The following GDF10 variants were observed in gnomAD, a reference collection of about 807,000 sequenced individuals.
The protein encoded by GDF10 is growth/differentiation factor 10.
A neutral mutation model predicts 32.1 loss-of-function variants in GDF10; 23 were observed. The ratio of observed to expected loss-of-function variants is 0.72; its 90% confidence interval spans 0.52 to 1.02. GDF10 has a LOEUF of 1.02. GDF10 is among the 50% of genes least tolerant of loss of function. The pLI is 0.00. For synonymous variants in GDF10, 328 were observed against 303.1 expected (o/e 1.08, Z -0.85); for missense variants, 764 against 673.9 (o/e 1.13, Z -1.48).
rs1555207676 is a variant in GDF10, at chr10:47,310,610, G to A, written c.1134G>A (p.Arg378=). ...GGGATGAGCCGAGGGTGTGCTCCCG[G>A]AGGTACCTGAAGGTGGACTTCGCAG... ...KQWDEPRVCS[R]RYLKVDFADI... Residue 378 remains arginine, a synonymous_variant, in exon 2 of 3, where the codon CGG becomes CGA. Transcript: ENST00000580279. 2 of 1,614,042 alleles carry A rather than the reference G, an allele frequency of 1.2e-6. No individual in the cohort carries two copies. The highest frequency in any genetic ancestry group is 2.7e-5 in the African/African-American group (2 of 74,942).
In GDF10 at chr10:47,300,785, C is replaced by T. The variant is rs782792166; in HGVS notation, c.134C>T (p.Ala45Val). 6 of 1,564,432 alleles carry T rather than the reference C, an allele frequency of 3.8e-6. No individual in the cohort carries two copies. Among genetic ancestry groups the T allele is most frequent in the Middle Eastern group, 1.7e-4 (1 of 5,854 alleles). The change falls in exon 1 of 3, where the codon GCG (alanine) becomes GTG (valine). Residue 45 changes from alanine to valine, a missense_variant. Physicochemically the swap from Ala to Val is moderately conservative, Grantham distance 64. Transcript: ENST00000580279. ...HRAPAWSALP[A>V]AADGLQGDRD... ...GCCCCCGCCTGGTCCGCACTGCCCG[C>T]GGCCGCCGACGGCCTGCAGGGGGAC... is the stretch of plus-strand genomic sequence containing the variant.
rs782431049 is a variant in GDF10 at position 47,300,665 on chromosome 10, C to T, written c.14C>T (p.Pro5Leu). MAHV[P>L]ARTSPGPGPQ... ...CCTCACCACGCCATGGCTCATGTCCCCGCTCGGACCAGCCCGGGACCCGGG... is the reference window on the plus strand; with the variant it reads ...CCTCACCACGCCATGGCTCATGTCCTCGCTCGGACCAGCCCGGGACCCGGG... The change falls in exon 1 of 3, where the codon CCC (proline) becomes CTC (leucine). Residue 5 changes from proline (P) to leucine (L), a missense_variant. By Grantham distance (98) the Pro-to-Leu change is moderately conservative. Coordinates refer to ENST00000580279, the MANE Select transcript of GDF10 (RefSeq NM_004962.5). The T allele has an allele frequency of 6.3e-7, 1 of 1,599,826 alleles. No homozygotes were observed. The highest frequency in any genetic ancestry group is 8.5e-7 in the Non-Finnish European group (1 of 1,175,356).
chr10:47,302,827 A>G (rs2061009323), intron 1 of GDF10, among the ~76,000 whole-genome samples: 1 of 152,180 alleles, frequency 6.6e-6, no homozygotes, highest in South Asian at 2.1e-4. Flanking sequence ...CTGGGAAATC[A>G]GGATTCTGGT....
chr10:47,303,533 C>T (rs2061011873), intron 1 of GDF10, among the ~76,000 whole-genome samples: 1 of 152,212 alleles, frequency 6.6e-6, no homozygotes, highest in East Asian at 1.9e-4. Context: ...TGAGATATGT[C>T]AAGTGCTTAC....
Position 47,313,513 on chromosome 10 carries a change from A to G in GDF10, c.*721A>G, listed in dbSNP as rs1555207967. The G allele has an allele frequency of 6.6e-6, 1 of 152,598 alleles. No homozygotes were observed. 9.5% of individuals were successfully genotyped at this position (152,598 alleles called of 1,614,324 possible). A position where few individuals can be genotyped will look rare whatever the true frequency, so the allele number is the denominator to read the frequency against. On this transcript the variant is annotated 3_prime_UTR_variant, in exon 3 of 3. Coordinates refer to ENST00000580279, the MANE Select transcript of GDF10 (RefSeq NM_004962.5). ...GTAAATTATACTTTCTATACTGTAG[A>G]TTGTGTATGTTATGTGTTTTTATGG...
intron 2 of GDF10, among the ~76,000 whole-genome samples, chr10:47,311,888 T>G (rs1290894630): frequency 6.6e-6 from 1 of 152,214 alleles, no homozygotes; most frequent in Admixed American, 6.5e-5. Flanking sequence ...AATCTCTGTT[T>G]GGCTGGTGAT....
Position 47,300,795 on chromosome 10 carries a change from C to G in GDF10, c.144C>G (p.Asp48Glu). 6.4e-7 allele frequency: 1 copy of G among 1,567,022 alleles called. No individual in the cohort carries two copies. The change falls in exon 1 of 3, where the codon GAC (aspartate) becomes GAG (glutamate). Residue 48 changes from aspartate to glutamate, a missense_variant. Asp to Glu is a conservative substitution (Grantham distance 45). Transcript: ENST00000580279. Reference sequence around the variant, plus strand: ...GGTCCGCACTGCCCGCGGCCGCCGACGGCCTGCAGGGGGACAGGGATCTCC... The same window carrying G: ...GGTCCGCACTGCCCGCGGCCGCCGAGGGCCTGCAGGGGGACAGGGATCTCC... ...PAWSALPAAADGLQGDRDLQR... is the reference protein window; with the variant it reads ...PAWSALPAAAEGLQGDRDLQR...
chr10:47,304,470 A>C (rs945417569), intron 1 of GDF10, among the ~76,000 whole-genome samples: 2 of 150,522 alleles, frequency 1.3e-5, no homozygotes, highest in Non-Finnish European at 3.0e-5. Flanking sequence ...AAATAAATGC[A>C]TGCTTATTGG....
chr10:47,310,230 G>A lies in GDF10; in HGVS notation c.754G>A (p.Ala252Thr). Residue 252 changes from alanine (A) to threonine (T), a missense_variant, in exon 2 of 3, where the codon GCC becomes ACC. By Grantham distance (58) the Ala-to-Thr change is moderately conservative. Transcript: ENST00000580279. ...CATCCTAGTCTATGCCAACGATCTG[G>A]CCATCTCGGAGCCCAACAGCGTGGC... Reference protein sequence around the residue: ...PYILVYANDLAISEPNSVAVT... With the variant: ...PYILVYANDLTISEPNSVAVT... 1.2e-6 allele frequency: 2 copies of A among 1,610,120 alleles called. No homozygotes were observed. Among genetic ancestry groups the A allele is most frequent in the African/African-American group, 1.3e-5 (1 of 74,988 alleles).
Position 47,300,561 on chromosome 10 carries a change from C to T in GDF10, c.-91C>T. 3 of 1,244,638 alleles carry T rather than the reference C, an allele frequency of 2.4e-6. No individual in the cohort carries two copies. Among genetic ancestry groups the T allele is most frequent in the South Asian group, 3.0e-5 (2 of 65,588 alleles). The allele number at this position is 1,244,638 out of a possible 1,614,324, so 77.1% of individuals were successfully genotyped here. On this transcript the variant is annotated 5_prime_UTR_variant, in exon 1 of 3. Transcript: ENST00000580279. ...GCTGCCCGGGCTCTCCCCGCGCGCC[C>T]TACTGCCGCGAGGTCAGTCCGCAGC...
At chr10:47,312,136 C>A (rs537268890) in intron 2 of GDF10, among the ~76,000 whole-genome samples, 36 of 152,334 alleles carry the variant, frequency 2.4e-4, no homozygotes, top group African/African-American at 8.2e-4. Flanking sequence ...TGTCACACTG[C>A]CACGCACATG....
rs1044089949 is a variant in GDF10, at chr10:47,313,151, C to T, written c.*359C>T. 4 of 170,158 alleles carry T rather than the reference C, an allele frequency of 2.4e-5. No individual in the cohort carries two copies. The highest frequency in any genetic ancestry group is 4.7e-5 in the African/African-American group (2 of 42,214). 10.5% of individuals were successfully genotyped at this position (170,158 alleles called of 1,614,324 possible). A position where few individuals can be genotyped will look rare whatever the true frequency, so the allele number is the denominator to read the frequency against. On this transcript the variant is annotated 3_prime_UTR_variant, in exon 3 of 3. Coordinates refer to ENST00000580279, the MANE Select transcript of GDF10 (RefSeq NM_004962.5). ...AAGACTATGCAAATCTTAGGGCGCT[C>T]GCTCCCTGCACACGGAAAGAACTCT...
Position 47,301,789 on chromosome 10 carries a change from G to A in GDF10, c.319+819G>A, listed in dbSNP as rs79168063. Among the ~76,000 whole-genome samples the A allele has an allele frequency of 3.7e-3, 560 of 152,324 alleles. 2 individuals are homozygous for A. Among genetic ancestry groups the A allele is most frequent in the African/African-American group, 0.013 (527 of 41,560 alleles). ...TGATTACTCCTGGTTGCAGAATAAT[G>A]TTCCAGAAAATGTGGGTGGGGGTCT... On this transcript the variant is annotated intron_variant, in intron 1 of 2. Transcript: ENST00000580279.
At chr10:47,306,489 A>G (rs1351235037) in intron 1 of GDF10, among the ~76,000 whole-genome samples, 1 of 152,244 alleles carries the variant, frequency 6.6e-6, no homozygotes, top group East Asian at 1.9e-4. Context: ...CTCATTCAAC[A>G]TGCATCTCTG....
Position 47,310,387 on chromosome 10 carries a change from C to T in GDF10, c.911C>T (p.Pro304Leu), listed in dbSNP as rs1178079783. 5.0e-6 allele frequency: 8 copies of T among 1,608,372 alleles called. No individual in the cohort carries two copies. Among genetic ancestry groups the T allele is most frequent in the South Asian group, 2.2e-5 (2 of 90,596 alleles). The stretch of plus-strand genomic sequence containing the variant: ...GGGCCCCTCCAGGACAACGAGCTGC[C>T]GGGGCTGGATGAGAGGCCGCCGCGC... The part of the protein sequence containing the change: ...ATGPLQDNEL[P>L]GLDERPPRAH... The change falls in exon 2 of 3, where the codon CCG becomes CTG. Residue 304 changes from proline to leucine, a missense_variant. Pro to Leu is a moderately conservative substitution (Grantham distance 98). Transcript: ENST00000580279.
intron 1 of GDF10, among the ~76,000 whole-genome samples, chr10:47,302,244 A>C (rs938748340): frequency 6.6e-6 from 1 of 152,248 alleles, no homozygotes; most frequent in Admixed American, 6.5e-5. Context: ...AAAATGGGCA[A>C]GGCTTGCCAA....
In GDF10 at chr10:47,310,030, G is replaced by A. The variant is rs1555207464; in HGVS notation, c.554G>A (p.Gly185Glu). ...RSLSQNTATQ[G>E]LLRGAMALAP... ...CTCTCGCAGAACACGGCCACACAGG[G>A]GCTACTCCGCGGGGCCATGGCCCTG... Residue 185 changes from glycine to glutamate, a missense_variant, in exon 2 of 3, where the codon GGG becomes GAG. Transcript: ENST00000580279. The A allele has an allele frequency of 6.2e-7, 1 of 1,607,234 alleles. No individual in the cohort carries two copies. Among genetic ancestry groups the A allele is most frequent in the South Asian group, 1.1e-5 (1 of 90,714 alleles).
rs965075515 is a variant in GDF10 at position 47,310,426 on chromosome 10, A to G, written c.950A>G (p.His317Arg). The G allele has an allele frequency of 6.2e-7, 1 of 1,612,896 alleles. No homozygotes were observed. ...AGGCCGCCGCGCGCCCACGCACAGC[A>G]CTTCCACAAGCACCAGCTGTGGCCC... ...DERPPRAHAQ[H>R]FHKHQLWPSP... Residue 317 changes from histidine (H) to arginine (R), a missense_variant, in exon 2 of 3, where the codon CAC becomes CGC. By Grantham distance (29) the His-to-Arg change is conservative. Transcript: ENST00000580279.
At position 47,312,598 on chromosome 10, in the gene GDF10, C is replaced by T; in HGVS notation, c.1246-3C>T. ...GTAACCCTACTCCTTTTCTGCCTTG[C>T]AGATCGTTCGTCCATCCAACCATGC... is the stretch of plus-strand genomic sequence containing the variant. On this transcript the variant is annotated splice_region_variant and splice_polypyrimidine_tract_variant and intron_variant, in intron 2 of 2. Coordinates refer to ENST00000580279, the MANE Select transcript of GDF10 (RefSeq NM_004962.5). 6.4e-7 allele frequency: 1 copy of T among 1,573,566 alleles called. No individual in the cohort carries two copies. Among genetic ancestry groups the T allele is most frequent in the South Asian group, 1.2e-5 (1 of 83,614 alleles).
Sources: gnomAD v4.1 joint callset for allele counts (sites outside exome capture counted in the v4.1 genomes callset) on GRCh38, gnomAD v4.1.1 for gene constraint, MANE v1.5 for transcripts, NCBI Gene and HGNC (gene_info 2026-07-23, HGNC 2026-07-21) for gene names.